ZNF157: variants seen among roughly 807,000 people sequenced by gnomAD.
ZNF157 encodes zinc finger protein 157.
In ZNF157, 8 loss-of-function variants were observed where a neutral mutation model predicts 9.4. The observed-to-expected ratio is 0.85, with a 90% CI of 0.50 to 1.53. The LOEUF is 1.53. Ranked by LOEUF, ZNF157 falls within the 40% of genes most tolerant of loss-of-function variation. The pLI, the probability that ZNF157 is intolerant of heterozygous loss-of-function variation, is 0.00. For synonymous variants in ZNF157, 120 were observed against 130.8 expected (o/e 0.92, Z 0.56); for missense variants, 316 against 385.2 (o/e 0.82, Z 1.50).
chrX:47,392,490 C>A (rs1330458622), intron 1 of ZNF157, among the ~76,000 whole-genome samples: 3 of 111,513 alleles, frequency 2.7e-5, no homozygotes, highest in Admixed American at 1.9e-4. Flanking sequence ...ATCCTTTTTC[C>A]AAATAACACC....
chrX:47,395,909 T>G (rs905950322), intron 1 of ZNF157, among the ~76,000 whole-genome samples: 1 of 111,451 alleles, frequency 9.0e-6, no homozygotes, highest in Non-Finnish European at 1.9e-5. Flanking sequence ...GAGGCTGCAG[T>G]GAGCTGTGAT....
chrX:47,378,813 G>C lies in ZNF157; in HGVS notation c.72+8073G>C, dbSNP rs760007629. ...AGATCGTGCCACTGCACTCCAGCCT[G>C]GGCGACGGTGCCAGACTGTCTCAAA... On this transcript the variant is annotated intron_variant, in intron 1 of 3. Coordinates refer to ENST00000377073, the MANE Select transcript of ZNF157 (RefSeq NM_003446.4). Among the ~76,000 whole-genome samples, 3 of 111,311 alleles carry C rather than the reference G, an allele frequency of 2.7e-5. No individual in the cohort carries two copies. The South Asian group carries it at 1.1e-3, about 43-fold the overall frequency.
At position 47,413,242 on chromosome X, in the gene ZNF157, A is replaced by G; in HGVS notation, c.1169A>G (p.Glu390Gly). The G allele has an allele frequency of 8.3e-7, 1 of 1,211,926 alleles. No homozygotes were observed. The highest frequency in any genetic ancestry group is 1.8e-5 in the South Asian group (1 of 56,989). Reference protein sequence around the residue: ...HTGEKPYECNECGNAFYVKAR... With the variant: ...HTGEKPYECNGCGNAFYVKAR... ...GGAGAGAAACCTTACGAATGTAATG[A>G]GTGTGGTAATGCTTTCTATGTGAAA... Residue 390 changes from glutamate to glycine, a missense_variant, in exon 4 of 4, where the codon GAG becomes GGG. Physicochemically the swap from Glu to Gly is moderately conservative, Grantham distance 98. Coordinates refer to ENST00000377073, the MANE Select transcript of ZNF157 (RefSeq NM_003446.4).
chrX:47,393,042 C>T (rs913593391), intron 1 of ZNF157, among the ~76,000 whole-genome samples: 1 of 110,365 alleles, frequency 9.1e-6, no homozygotes, highest in African/African-American at 3.3e-5. Context: ...GTAATCCCAG[C>T]TTCTCAGGAG....
At chrX:47,375,033 T>G (rs1167512577) in intron 1 of ZNF157, among the ~76,000 whole-genome samples, 6 of 61,001 alleles carry the variant, frequency 9.8e-5, no homozygotes, top group African/African-American at 4.8e-4. Context: ...TTTTTTTTTT[T>G]TCAGACAGAG....
At chrX:47,381,625 C>A (rs2055863818) in intron 1 of ZNF157, among the ~76,000 whole-genome samples, 1 of 111,827 alleles carries the variant, frequency 8.9e-6, no homozygotes, top group Non-Finnish European at 1.9e-5. Context: ...TTACTATAAT[C>A]ACTTAATAGT....
At chrX:47,384,254 G>GT (rs199597536) in intron 1 of ZNF157, among the ~76,000 whole-genome samples, 12 of 111,101 alleles carry the variant, frequency 1.1e-4, no homozygotes, top group Non-Finnish European at 1.5e-4. Context: ...AAATAAATAA[G>GT]TTTTTTTTAA....
Position 47,414,371 on chromosome X carries a change from C to A in ZNF157, c.*777C>A, listed in dbSNP as rs2055976678. On this transcript the variant is annotated 3_prime_UTR_variant, in exon 4 of 4. Coordinates refer to ENST00000377073, the MANE Select transcript of ZNF157 (RefSeq NM_003446.4). Reference sequence around the variant, plus strand: ...TGATAATATTCACCTATACTTTCCTCTAAAGGTTTTCCTTTCAACATTTAG... The same window carrying A: ...TGATAATATTCACCTATACTTTCCTATAAAGGTTTTCCTTTCAACATTTAG... The A allele has an allele frequency of 8.9e-6, 1 of 111,930 alleles. No homozygotes were observed. Among genetic ancestry groups the A allele is most frequent in the Admixed American group, 9.6e-5 (1 of 10,417 alleles). The allele number at this position is 111,930 out of a possible 1,213,427, so 9.2% of individuals were successfully genotyped here.
intron 3 of ZNF157, among the ~76,000 whole-genome samples, chrX:47,411,729 A>G (rs2055965862): frequency 9.0e-6 from 1 of 110,881 alleles, no homozygotes; most frequent in South Asian, 3.8e-4. Context: ...ATTCATTCAT[A>G]TATTCATTTA....
chrX:47,402,541 A>ATTT (rs200982459), intron 1 of ZNF157, among the ~76,000 whole-genome samples: 3 of 93,082 alleles, frequency 3.2e-5, no homozygotes, highest in Admixed American at 1.3e-4. Flanking sequence ...AAATTTTTTA[A>ATTT]TTTTTTTTTT....
chrX:47,399,994 TC>T (rs1247447300), intron 1 of ZNF157, among the ~76,000 whole-genome samples: 2 of 81,977 alleles, frequency 2.4e-5, no homozygotes, highest in Non-Finnish European at 5.0e-5. Flanking sequence ...GTTCTCTCTC[TC>T]TTTTTTTTTT....
In ZNF157 at chrX:47,401,991, C is replaced by T. The variant is rs367897121; in HGVS notation, c.73-8285C>T. Reference sequence around the variant, plus strand: ...GGCTCAAGCAGTCCTCCCGCTTCGGCCTCTCAAAGTGCTGGGATTACAGGC... The same window carrying T: ...GGCTCAAGCAGTCCTCCCGCTTCGGTCTCTCAAAGTGCTGGGATTACAGGC... On this transcript the variant is annotated intron_variant, in intron 1 of 3. Coordinates refer to ENST00000377073, the MANE Select transcript of ZNF157 (RefSeq NM_003446.4). 3.5e-4 allele frequency among the ~76,000 whole-genome samples: 39 copies of T among 111,571 alleles called. No homozygotes were observed. In the East Asian group the frequency reaches 3.9e-3, roughly 11 times the overall value.
chrX:47,379,920 T>C (rs1022892427), intron 1 of ZNF157, among the ~76,000 whole-genome samples: 2 of 110,889 alleles, frequency 1.8e-5, no homozygotes, highest in Admixed American at 9.7e-5. Flanking sequence ...TACCTCTGTC[T>C]TGATTAGTCT....
At chrX:47,375,145 T>C (rs1275372091) in intron 1 of ZNF157, among the ~76,000 whole-genome samples, 1 of 103,701 alleles carries the variant, frequency 9.6e-6, no homozygotes, top group African/African-American at 3.5e-5. Flanking sequence ...GCCTCCCGAG[T>C]AGCTGGGATT....
intron 1 of ZNF157, among the ~76,000 whole-genome samples, chrX:47,387,746 T>C (rs1379034199): frequency 9.3e-6 from 1 of 107,014 alleles, no homozygotes; most frequent in Non-Finnish European, 1.9e-5. Context: ...CTACTAAAAA[T>C]ACAAAAACTA....
In ZNF157 at chrX:47,413,031, C is replaced by T; in HGVS notation, c.958C>T (p.His320Tyr). The change falls in exon 4 of 4, where the codon CAT (histidine) becomes TAT (tyrosine). Residue 320 changes from histidine (H) to tyrosine (Y), a missense_variant. Around this residue, in one of 3 missense-constraint regions of ZNF157, gnomAD observed 167 missense variants for 183.6 expected, o/e 0.91. Transcript: ENST00000377073. ...NFRAKKSLNQ[H>Y]QRIHTGEKPY... ...CCGTGCAAAGAAATCCCTAAATCAG[C>T]ATCAAAGAATTCACACAGGTGAGAA... 2 of 1,210,555 alleles carry T rather than the reference C, an allele frequency of 1.7e-6. No homozygotes were observed. The highest frequency in any genetic ancestry group is 2.2e-6 in the Non-Finnish European group (2 of 894,777).
At chrX:47,408,445 C>T (rs774530114) in intron 1 of ZNF157, among the ~76,000 whole-genome samples, 136 of 108,900 alleles carry the variant, frequency 1.2e-3, no homozygotes, top group Non-Finnish European at 2.3e-3. Flanking sequence ...GATAGGATCT[C>T]GCTCTGTCAC....
intron 1 of ZNF157, among the ~76,000 whole-genome samples, chrX:47,386,548 C>T (rs996640285): frequency 9.1e-6 from 1 of 110,383 alleles, no homozygotes; most frequent in Non-Finnish European, 1.9e-5. Context: ...CAACCTTTGC[C>T]TCCCAGGTTC....
chrX:47,378,656 TG>T (rs758242210), intron 1 of ZNF157, among the ~76,000 whole-genome samples: 1 of 111,395 alleles, frequency 9.0e-6, no homozygotes, highest in Non-Finnish European at 1.9e-5. Flanking sequence ...CTGGCCAACA[TG>T]GTGAAACCTC....
Sources: gnomAD v4.1 joint callset for allele counts (sites outside exome capture counted in the v4.1 genomes callset) on GRCh38, gnomAD v4.1.1 for gene constraint, gnomAD v4.1.1 regional missense constraint, MANE v1.5 for transcripts, NCBI Gene and HGNC (gene_info 2026-07-23, HGNC 2026-07-21) for gene names.